Variants in TRIO observed in about 807,000 individuals in gnomAD.
TRIO encodes trio Rho guanine nucleotide exchange factor.
TRIO carries 58 observed loss-of-function variants against 351.9 expected under a neutral mutation model. The ratio of observed to expected loss-of-function variants is 0.16; its 90% confidence interval spans 0.13 to 0.21. The LOEUF (loss-of-function observed/expected upper bound fraction) is 0.21. Ranked by LOEUF, TRIO falls within the 10% of genes least tolerant of loss-of-function variation. The pLI is 1.00. For synonymous variants in TRIO, 1,758 were observed against 1,595.7 expected, an observed-to-expected ratio of 1.10 and a Z score of -2.42; for missense variants, 3,201 against 4,027.8, an observed-to-expected ratio of 0.79 and a Z score of 5.56.
intron 46 of TRIO, among the ~76,000 whole-genome samples, 177 bp from the exon 47 acceptor site, chr5:14,484,892 A>T (rs1323800168): frequency 6.6e-6 from 1 of 152,220 alleles, no homozygotes; most frequent in Admixed American, 6.5e-5. Flanking sequence ...TTCACTTAAC[A>T]TAACGTCTTC....
Position 14,381,080 on chromosome 5 carries a change from C to T in TRIO, c.3448-50C>T, listed in dbSNP as rs764797855. On this transcript the variant is annotated intron_variant, in intron 20 of 56. Transcript: ENST00000344204. ...ATGAGGTGCTCGGGGCTTTGGGCTC[C>T]TCTCAGGAATGTGTAGCCCTCTGAC... 35 of 1,568,038 alleles carry T rather than the reference C, an allele frequency of 2.2e-5. 1 individual carries two copies. The South Asian group carries it at 3.3e-4, about 15-fold the overall frequency.
intron 13 of TRIO, among the ~76,000 whole-genome samples, chr5:14,361,065 A>G (rs959377524): frequency 1.3e-5 from 2 of 152,230 alleles, no homozygotes; most frequent in Non-Finnish European, 2.9e-5. Flanking sequence ...CTCTGACTTC[A>G]AAGGACTCGC....
intron 21 of TRIO, among the ~76,000 whole-genome samples, chr5:14,385,880 C>G (rs2152359521): frequency 6.6e-6 from 1 of 152,326 alleles, no homozygotes; most frequent in Non-Finnish European, 1.5e-5. Context: ...GTGTCCCCAT[C>G]ACTTAAAACA....
chr5:14,406,589 G>T lies in TRIO; in HGVS notation c.4876G>T (p.Asp1626Tyr). ...CACCGCCAGGGATGGAGAGGATCTG[G>T]ACAGCCAAGGAGACGGCAGCAGCCA... ...QKGRRDGEDL[D>Y]SQGDGSSQPD... Residue 1626 changes from aspartate to tyrosine, a missense_variant, in exon 33 of 57, where the codon GAC (aspartate) becomes TAC (tyrosine). Asp to Tyr is a radical substitution (Grantham distance 160). Transcript: ENST00000344204. The T allele has an allele frequency of 6.2e-7, 1 of 1,614,016 alleles. No homozygotes were observed. Among genetic ancestry groups the T allele is most frequent in the South Asian group, 1.1e-5 (1 of 91,064 alleles).
At chr5:14,310,456 C>T (rs1166329885) in intron 8 of TRIO, among the ~76,000 whole-genome samples, 1 of 152,210 alleles carries the variant, frequency 6.6e-6, no homozygotes, top group Non-Finnish European at 1.5e-5. Flanking sequence ...AACAAATGTG[C>T]CAACTTAGTG....
At chr5:14,242,303 T>A (rs1475150544) in intron 1 of TRIO, among the ~76,000 whole-genome samples, 1 of 152,242 alleles carries the variant, frequency 6.6e-6, no homozygotes, top group Non-Finnish European at 1.5e-5. Flanking sequence ...ATGTATTATA[T>A]GTATATAATA....
At position 14,507,249 on chromosome 5, in the gene TRIO, C is replaced by T; in HGVS notation, c.8740C>T (p.Leu2914=). ...CCTGCACAACTGCAGGATAGCACAC[C>T]TGGACCTAAAGGTTGGTGAGGCCCC... ...RYLHNCRIAH[L]DLKPENILVD... The change falls in exon 56 of 57, where the codon CTG becomes TTG. Residue 2914 remains leucine (L), a synonymous_variant. Coordinates refer to ENST00000344204, the MANE Select transcript of TRIO (RefSeq NM_007118.4). The T allele has an allele frequency of 6.2e-7, 1 of 1,611,656 alleles. No individual in the cohort carries two copies. The highest frequency in any genetic ancestry group is 8.5e-7 in the Non-Finnish European group (1 of 1,179,900).
At chr5:14,160,554 A>C (rs1043234928) in intron 1 of TRIO, among the ~76,000 whole-genome samples, 26 of 152,248 alleles carry the variant, frequency 1.7e-4, no homozygotes, top group Admixed American at 2.6e-4. Context: ...CAAGATGATT[A>C]GGCAGATTCT....
intron 1 of TRIO, among the ~76,000 whole-genome samples, chr5:14,258,246 C>T (rs374655186): frequency 1.4e-3 from 217 of 152,312 alleles, no homozygotes; most frequent in African/African-American, 5.0e-3. Flanking sequence ...GTGTGTAGCT[C>T]CCTTTTAAGG....
At chr5:14,478,574 C>T (rs1240361884) in intron 41 of TRIO, among the ~76,000 whole-genome samples, 1 of 152,012 alleles carries the variant, frequency 6.6e-6, no homozygotes, top group Non-Finnish European at 1.5e-5. Context: ...GATTAAAGAG[C>T]TTCTTCTCTA....
intron 34 of TRIO, among the ~76,000 whole-genome samples, chr5:14,431,621 T>C (rs1751150171): frequency 1.3e-5 from 2 of 152,338 alleles, no homozygotes; most frequent in South Asian, 2.1e-4. Flanking sequence ...ATGTGTTTCC[T>C]ACTGTCTCAA....
intron 1 of TRIO, among the ~76,000 whole-genome samples, chr5:14,221,106 G>A (rs1399134675): frequency 6.6e-6 from 1 of 152,202 alleles, no homozygotes; most frequent in African/African-American, 2.4e-5. Context: ...TAAGAATTAT[G>A]CTGAATCTAC....
chr5:14,197,480 T>C (rs1561190796), intron 1 of TRIO, among the ~76,000 whole-genome samples: 1 of 152,238 alleles, frequency 6.6e-6, no homozygotes, highest in Non-Finnish European at 1.5e-5. Flanking sequence ...TTTTAAATAC[T>C]CTGATTTTTA....
intron 11 of TRIO, among the ~76,000 whole-genome samples, chr5:14,338,153 G>A (rs1741599196): frequency 1.3e-5 from 2 of 152,148 alleles, no homozygotes; most frequent in South Asian, 4.1e-4. Context: ...CTGCCCTCCA[G>A]CCTCTGCTAG....
At chr5:14,219,136 A>T (rs576306258) in intron 1 of TRIO, among the ~76,000 whole-genome samples, 6 of 152,330 alleles carry the variant, frequency 3.9e-5, no homozygotes, top group Non-Finnish European at 8.8e-5. Flanking sequence ...ACTAGACTTT[A>T]GCAGAGCCAG....
At chr5:14,151,383 TGTTTG>T (rs1561138461) in intron 1 of TRIO, among the ~76,000 whole-genome samples, 20 of 85,772 alleles carry the variant, frequency 2.3e-4, no homozygotes, top group African/African-American at 1.1e-3. Context: ...TGTGTGTGTG[TGTTTG>T]TGTGTGTGTG....
chr5:14,223,840 G>T (rs79062060), intron 1 of TRIO, among the ~76,000 whole-genome samples: 2,911 of 152,042 alleles, frequency 0.019, 39 homozygotes, highest in South Asian at 0.05. Flanking sequence ...AATCTAAGTC[G>T]GATTATAGAG....
In TRIO at chr5:14,303,450, T is replaced by C. The variant is rs551175532; in HGVS notation, c.1369-1011T>C. Among the ~76,000 whole-genome samples the C allele has an allele frequency of 2.1e-5, 3 of 140,766 alleles. No homozygotes were observed. The South Asian group carries it at 7.0e-4, about 33-fold the overall frequency. 92.3% of individuals were successfully genotyped at this position (140,766 alleles called of 152,430 possible). ...GTCAGTGGAGGAGATTGAGCCAGGATTGGGATGGCTGCCGCAGGACTGTTG... is the reference window on the plus strand; with the variant it reads ...GTCAGTGGAGGAGATTGAGCCAGGACTGGGATGGCTGCCGCAGGACTGTTG... On this transcript the variant is annotated intron_variant, in intron 7 of 56. Transcript: ENST00000344204.
At chr5:14,162,712 C>T (rs1401150987) in intron 1 of TRIO, among the ~76,000 whole-genome samples, 1 of 152,206 alleles carries the variant, frequency 6.6e-6, no homozygotes, top group Non-Finnish European at 1.5e-5. Flanking sequence ...AAGTGCAGTT[C>T]TGTTTGCAAG....
Sources: gnomAD v4.1 joint callset for allele counts (sites outside exome capture counted in the v4.1 genomes callset) on GRCh38, gnomAD v4.1.1 for gene constraint, MANE v1.5 for transcripts, NCBI Gene and HGNC (gene_info 2026-07-23, HGNC 2026-07-21) for gene names.